The following FARP2 variants were observed in gnomAD, a reference collection of about 807,000 sequenced individuals.
FARP2 encodes the protein FERM, ARH/RhoGEF and pleckstrin domain protein 2.
Under a neutral mutation model 130.5 loss-of-function variants are expected in FARP2, and 111 were observed. That is an observed-to-expected ratio of 0.85 (90% confidence interval 0.73 to 1.00). The LOEUF (loss-of-function observed/expected upper bound fraction) is 1.00. Ranked by LOEUF, FARP2 falls within the 50% of genes least tolerant of loss-of-function variation. The pLI is 0.00. For missense variants in FARP2, 1,385 were observed against 1,346.3 expected, an observed-to-expected ratio of 1.03 and a Z score of -0.45; for synonymous variants, 504 against 516.9, an observed-to-expected ratio of 0.98 and a Z score of 0.34.
chr2:241,384,386 G>T (rs1250606614), intron 2 of FARP2, among the ~76,000 whole-genome samples: 1 of 152,068 alleles, frequency 6.6e-6, no homozygotes, highest in Non-Finnish European at 1.5e-5. Context: ...GCTTTTTCTG[G>T]TTTCTAGGAA....
At position 241,435,657 on chromosome 2, in the gene FARP2, G is replaced by T. The variant is rs1233297689; in HGVS notation, c.1100+627G>T. The stretch of plus-strand genomic sequence containing the variant: ...CTCCCGAGTAGCTGGGACTGCAGGC[G>T]CCTGCCACCACGCCTGGCAAATCTT... On this transcript the variant is annotated intron_variant, in intron 11 of 26. Transcript: ENST00000264042. Among the ~76,000 whole-genome samples the T allele has an allele frequency of 2.7e-5, 4 of 149,716 alleles. No homozygotes were observed. In the South Asian group the frequency reaches 8.5e-4, roughly 32 times the overall value.
chr2:241,363,854 A>C (rs2061245398), intron 1 of FARP2, among the ~76,000 whole-genome samples: 1 of 152,242 alleles, frequency 6.6e-6, no homozygotes, highest in Non-Finnish European at 1.5e-5. Context: ...TGATGTTAAA[A>C]ATGTCCAGGA....
At position 241,373,165 on chromosome 2, in the gene FARP2, G is replaced by A. The variant is rs2061460681; in HGVS notation, c.58G>A (p.Ala20Thr). The change falls in exon 2 of 27, where the codon GCC becomes ACC. Residue 20 changes from alanine to threonine, a missense_variant. By Grantham distance (58) the Ala-to-Thr change is moderately conservative (BLOSUM62 0). Coordinates refer to ENST00000264042, the MANE Select transcript of FARP2 (RefSeq NM_014808.4). ...VLQTAGMRLGAQTPVGVSTLE... is the reference protein window; with the variant it reads ...VLQTAGMRLGTQTPVGVSTLE... ...GCAGACTGCAGGGATGCGCTTGGGT[G>A]CCCAGACCCCTGTGGGAGTTAGCAC... is the stretch of plus-strand genomic sequence containing the variant. The A allele has an allele frequency of 6.4e-7, 1 of 1,563,212 alleles. No individual in the cohort carries two copies. The highest frequency in any genetic ancestry group is 8.7e-7 in the Non-Finnish European group (1 of 1,147,692).
intron 12 of FARP2, among the ~76,000 whole-genome samples, chr2:241,439,223 G>T (rs2063323333): frequency 6.6e-6 from 1 of 151,802 alleles, no homozygotes; most frequent in African/African-American, 2.4e-5. Flanking sequence ...TCACCATGTT[G>T]CCCAGGCTGG....
chr2:241,456,794 C>T lies in FARP2; in HGVS notation c.1459C>T (p.Pro487Ser). The T allele has an allele frequency of 6.2e-7, 1 of 1,614,130 alleles. No homozygotes were observed. Among genetic ancestry groups the T allele is most frequent in the Non-Finnish European group, 8.5e-7 (1 of 1,180,012 alleles). Reference sequence around the variant, plus strand: ...GCCTTCTCCCTCCAGCCGGAAGAGCCCCCTGAGTCTGAGCCCTGCATTTCA... The same window carrying T: ...GCCTTCTCCCTCCAGCCGGAAGAGCTCCCTGAGTCTGAGCCCTGCATTTCA... ...PQPSPSSRKS[P>S]LSLSPAFQVP... is the part of the protein sequence containing the mutation. Residue 487 changes from proline to serine, a missense_variant, in exon 14 of 27, where the codon CCC becomes TCC. Transcript: ENST00000264042.
chr2:241,463,615 A>G, intron 16 of FARP2, 147 bp downstream of exon 16: 1 of 853,768 alleles, frequency 1.2e-6, no homozygotes, highest in Non-Finnish European at 1.8e-6. Context: ...AGAGGTACAG[A>G]TGTAATAATA....
intron 1 of FARP2, among the ~76,000 whole-genome samples, chr2:241,362,618 A>T (rs1172217834): frequency 6.6e-6 from 1 of 152,092 alleles, no homozygotes; most frequent in Non-Finnish European, 1.5e-5. Context: ...ATATATATAT[A>T]TTAATTTTTA....
intron 2 of FARP2, among the ~76,000 whole-genome samples, chr2:241,394,013 C>T (rs183659957): frequency 2.6e-5 from 4 of 152,226 alleles, no homozygotes; most frequent in Admixed American, 2.0e-4. Flanking sequence ...AGTGTGATGG[C>T]GGGGTTTTCT....
intron 20 of FARP2, chr2:241,483,786 T>A (rs1260446219): frequency 4.1e-5 from 40 of 985,218 alleles, no homozygotes; most frequent in Non-Finnish European, 4.8e-5. Context: ...AGCACCTGAC[T>A]ATGGGACAAA....
At chr2:241,446,368 A>G (rs1231725912) in intron 13 of FARP2, 1 of 152,210 alleles carries the variant, frequency 6.6e-6, no homozygotes, top group Non-Finnish European at 1.5e-5. Flanking sequence ...TGAAAAATTT[A>G]AACCTGTTGG....
chr2:241,482,968 C>G lies in FARP2; in HGVS notation c.2263-497C>G, dbSNP rs2064654588. Among the ~76,000 whole-genome samples, 1 of 147,566 alleles carries G rather than the reference C, an allele frequency of 6.8e-6. No homozygotes were observed. Among genetic ancestry groups the G allele is most frequent in the South Asian group, 2.2e-4 (1 of 4,640 alleles). ...TCCTCCTCCCATTCTCGAACCTGCT[C>G]TTGGTGCTAATTTGAATACTCGGGA... On this transcript the variant is annotated intron_variant, in intron 19 of 26. Transcript: ENST00000264042. This position sits in a 1 kb window ranked among gnomAD's most constrained non-coding sequence, Gnocchi z 4.6.
chr2:241,400,123 C>G (rs960636232), intron 2 of FARP2, among the ~76,000 whole-genome samples: 2 of 152,176 alleles, frequency 1.3e-5, no homozygotes, highest in Non-Finnish European at 2.9e-5. Context: ...AGGCAGGGCT[C>G]CTGGAGCACA....
At chr2:241,358,264 A>G (rs1000744448) in intron 1 of FARP2, among the ~76,000 whole-genome samples, 2 of 152,268 alleles carry the variant, frequency 1.3e-5, no homozygotes, top group Non-Finnish European at 2.9e-5. Context: ...AATAAATGTT[A>G]GCCATTATTA....
intron 22 of FARP2, 69 bp downstream of exon 22, chr2:241,490,113 C>A: frequency 1.9e-6 from 2 of 1,044,630 alleles, no homozygotes; most frequent in South Asian, 1.3e-5. Context: ...TCGCCATGAG[C>A]CTCTGAGTCC....
intron 11 of FARP2, among the ~76,000 whole-genome samples, chr2:241,436,040 G>A (rs1243228966): frequency 6.7e-6 from 1 of 149,350 alleles, no homozygotes; most frequent in Non-Finnish European, 1.5e-5. Flanking sequence ...AGCCTCCCAA[G>A]TAGCTGGGAC....
intron 17 of FARP2, chr2:241,465,570 C>A: frequency 6.4e-7 from 1 of 1,550,566 alleles, no homozygotes; most frequent in Non-Finnish European, 8.7e-7. Context: ...ATAGGAGCAA[C>A]GGTACAGGTG....
rs374423234 is a variant in FARP2, at chr2:241,434,163, T to C, written c.873T>C (p.Pro291=). ...LIKLHPEVHG[P]YQDTLEFLLG... ...CCTTTGTGTTTTGTTTCTAGGGACC[T>C]TACCAGGACACATTAGAATTTTTGT... Residue 291 remains proline, a synonymous_variant, in exon 10 of 27, where the codon CCT becomes CCC. Transcript: ENST00000264042. 1 of 1,599,644 alleles carries C rather than the reference T, an allele frequency of 6.3e-7. No homozygotes were observed. The highest frequency in any genetic ancestry group is 1.4e-5 in the African/African-American group (1 of 73,978).
intron 13 of FARP2, among the ~76,000 whole-genome samples, chr2:241,453,399 G>C (rs965699173): frequency 6.6e-6 from 1 of 151,868 alleles, no homozygotes; most frequent in East Asian, 1.9e-4. Context: ...AAGGCGGGCA[G>C]ATCACAAGGT....
At chr2:241,484,418 C>A in intron 21 of FARP2, 87 bp downstream of exon 21, 1 of 1,036,502 alleles carries the variant, frequency 9.6e-7, no homozygotes, top group Non-Finnish European at 1.5e-6. Context: ...CGAATCCTTA[C>A]CCAGCAACAC....
Sources: allele counts gnomAD v4.1 joint callset (sites outside exome capture counted in the v4.1 genomes callset), GRCh38; gene constraint gnomAD v4.1.1; non-coding constraint Gnocchi (gnomAD v3.1); transcripts MANE v1.5; gene names NCBI Gene and HGNC (gene_info 2026-07-23, HGNC 2026-07-21).